Variants in LARS1 observed in about 807,000 individuals in gnomAD.
The protein encoded by LARS1 is leucyl-tRNA synthetase 1, also known as leucine--tRNA ligase, cytoplasmic.
Under a neutral mutation model 162.8 loss-of-function variants are expected in LARS1, and 100 were observed. The ratio of observed to expected loss-of-function variants is 0.61; its 90% CI spans 0.52 to 0.73. LARS1 has a LOEUF of 0.73. Among genes scored for constraint, LARS1 ranks in the 30% least tolerant of loss-of-function variants. The pLI is 0.00. For missense variants in LARS1, 1,258 were observed against 1,408.9 expected (o/e 0.89, Z 1.71); for synonymous variants, 457 against 462.8 (o/e 0.99, Z 0.16).
At chr5:146,171,612 A>G (rs1013164605) in intron 4 of LARS1, among the ~76,000 whole-genome samples, 3 of 152,134 alleles carry the variant, frequency 2.0e-5, no homozygotes, top group Non-Finnish European at 4.4e-5. Flanking sequence ...ATGGCTGTAC[A>G]TTTTTCTTTT....
At chr5:146,153,598 C>A in intron 12 of LARS1, 136 bp downstream of exon 12, 1 of 665,360 alleles carries the variant, frequency 1.5e-6, no homozygotes, top group South Asian at 2.0e-5. Flanking sequence ...AATATATTAA[C>A]ATCAAGAAAC....
intron 15 of LARS1, 114 bp downstream of exon 15, chr5:146,149,508 T>C (rs1753175295): frequency 6.6e-6 from 5 of 760,500 alleles, no homozygotes; most frequent in African/African-American, 3.5e-5. Context: ...CGCAAAACTG[T>C]ATGATATTTT....
chr5:146,171,935 AG>A lies in LARS1; in HGVS notation c.268del (p.Leu90CysfsTer15). 6.2e-7 allele frequency: 1 copy of A among 1,613,906 alleles called. No homozygotes were observed. The highest frequency in any genetic ancestry group is 8.5e-7 in the Non-Finnish European group (1 of 1,179,808). On this transcript the variant is annotated frameshift_variant, in exon 4 of 32. Coordinates refer to ENST00000394434, the MANE Select transcript of LARS1 (RefSeq NM_020117.11). LOFTEE classifies it high-confidence loss of function. Reference protein sequence around the residue: ...KGKCCLFPFGLHCTGMPIKAC... With the variant: ...KGKCCLFPFGXHCTGMPIKAC... ...CTTAATAGGCATTCCAGTACAGTGC[AG>A]GCCAAAGGGAAACAGACAACATTTT... is the stretch of plus-strand genomic sequence containing the variant.
chr5:146,120,277 A>G (rs1751757020), intron 31 of LARS1, 94 bp downstream of exon 31: 2 of 1,346,116 alleles, frequency 1.5e-6, no homozygotes, highest in Non-Finnish European at 2.1e-6. Flanking sequence ...ACAGCTGTCC[A>G]TAAGCAAGCC....
At chr5:146,126,821 G>T (rs920547871) in intron 27 of LARS1, among the ~76,000 whole-genome samples, 2 of 151,932 alleles carry the variant, frequency 1.3e-5, no homozygotes, top group African/African-American at 4.8e-5. Flanking sequence ...AAACTAAATG[G>T]TCTCATAAAA....
At chr5:146,154,604 C>A (rs913083965) in intron 10 of LARS1, among the ~76,000 whole-genome samples, 2 of 151,854 alleles carry the variant, frequency 1.3e-5, no homozygotes, top group Non-Finnish European at 2.9e-5. Context: ...ATGGTGAAAC[C>A]CCGTCTCTAC....
rs370465810 is a variant in LARS1 at position 146,114,870 on chromosome 5, C to T, written c.3326-559G>A. ...ACCATCCTGACCAACATGGTGAAAC[C>T]CCATCTCTACTAAAATACAAAAAAT... On this transcript the variant is annotated intron_variant, in intron 31 of 31. Coordinates refer to ENST00000394434, the MANE Select transcript of LARS1 (RefSeq NM_020117.11). Among the ~76,000 whole-genome samples, 94 of 151,424 alleles carry T rather than the reference C, an allele frequency of 6.2e-4. 2 individuals carry two copies. The South Asian group carries it at 0.019, about 30-fold the overall frequency.
In LARS1 at chr5:146,177,622, T is replaced by A; in HGVS notation, c.50A>T (p.Glu17Val). The change falls in exon 2 of 32, where the codon GAG becomes GTG. Residue 17 changes from glutamate (E) to valine (V), a missense_variant. Physicochemically the swap from Glu to Val is moderately radical, Grantham distance 121 (BLOSUM62 -2). Transcript: ENST00000394434. ...TAKVDFLKKIEKEIQQKWDTE... is the reference protein window; with the variant it reads ...TAKVDFLKKIVKEIQQKWDTE... ...ATCCCATTTCTGTTGGATTTCTTTC[T>A]CAATCTTCTTCAAAAAGTCCACTTT... The A allele has an allele frequency of 6.2e-7, 1 of 1,607,214 alleles. No individual in the cohort carries two copies. The highest frequency in any genetic ancestry group is 1.1e-5 in the South Asian group (1 of 90,900).
chr5:146,153,912 T>C lies in LARS1; in HGVS notation c.1134A>G (p.Leu378=), dbSNP rs200944018. 9 of 1,611,750 alleles carry C rather than the reference T, an allele frequency of 5.6e-6. No individual in the cohort carries two copies. In the African/African-American group the frequency reaches 1.1e-4, roughly 19 times the overall value. The change falls in exon 11 of 32, where the codon CTA becomes CTG. Residue 378 remains leucine, a synonymous_variant. Transcript: ENST00000394434. Reference sequence around the variant, plus strand: ...CTTTACCTTTATCCTCCTTAATAGTTAGCATTGGGAGAACATAGATCACCT... The same window carrying C: ...CTTTACCTTTATCCTCCTTAATAGTCAGCATTGGGAGAACATAGATCACCT... The part of the protein sequence containing the change: ...SYKVIYVLPM[L]TIKEDKGTGV...
rs147794197 is a variant in LARS1, at chr5:146,114,827, C to T, written c.3326-516G>A. ...TTGGGAGGCTGAGGTGGGCAGATCG[C>T]GAGGTCCGGAGATCGAGACCATCCT... On this transcript the variant is annotated intron_variant, in intron 31 of 31. Coordinates refer to ENST00000394434, the MANE Select transcript of LARS1 (RefSeq NM_020117.11). Among the ~76,000 whole-genome samples, 335 of 151,970 alleles carry T rather than the reference C, an allele frequency of 2.2e-3. 4 individuals are homozygous for T. Among genetic ancestry groups the T allele is most frequent in the African/African-American group, 7.8e-3 (323 of 41,466 alleles).
At chr5:146,140,848 CATAT>C (rs78001851) in intron 20 of LARS1, among the ~76,000 whole-genome samples, 91 of 152,072 alleles carry the variant, frequency 6.0e-4, no homozygotes, top group Non-Finnish European at 1.0e-3. Flanking sequence ...AATATACACA[CATAT>C]ATATACACAC....
Position 146,154,423 on chromosome 5 carries a change from T to A in LARS1, c.1066-443A>T, listed in dbSNP as rs556181699. ...TGTTAATTACCTCAATTTAGCCATT[T>A]CACAATGTATATATATTTCAAAACA... On this transcript the variant is annotated intron_variant, in intron 10 of 31. Coordinates refer to ENST00000394434, the MANE Select transcript of LARS1 (RefSeq NM_020117.11). 2.4e-3 allele frequency among the ~76,000 whole-genome samples: 369 copies of A among 152,364 alleles called. 4 individuals are homozygous for A. Among genetic ancestry groups the A allele is most frequent in the African/African-American group, 8.6e-3 (356 of 41,586 alleles).
intron 25 of LARS1, among the ~76,000 whole-genome samples, chr5:146,129,390 G>A (rs1270790286): frequency 1.3e-5 from 2 of 152,082 alleles, no homozygotes; most frequent in South Asian, 4.1e-4. Flanking sequence ...AGAAAATTAT[G>A]TAATGCTAAT....
intron 15 of LARS1, among the ~76,000 whole-genome samples, chr5:146,148,417 T>G (rs1450110061): frequency 1.3e-5 from 2 of 151,950 alleles, no homozygotes; most frequent in Non-Finnish European, 2.9e-5. Context: ...TGGAAAAGAG[T>G]TGAGAAATGG....
intron 31 of LARS1, among the ~76,000 whole-genome samples, chr5:146,116,106 C>G (rs2126345109): frequency 6.6e-6 from 1 of 152,326 alleles, no homozygotes; most frequent in South Asian, 2.1e-4. Context: ...TGGAGAGTTT[C>G]TGCAGGGACC....
chr5:146,135,999 G>GAGCTTTACGGC (rs1355792022), intron 21 of LARS1, among the ~76,000 whole-genome samples: 2 of 152,172 alleles, frequency 1.3e-5, no homozygotes, highest in Non-Finnish European at 2.9e-5. Context: ...ACCTAAGAAA[G>GAGCTTTACGGC]AGCTTTACGG....
At chr5:146,150,984 A>ACACAG (rs1416455041) in intron 14 of LARS1, among the ~76,000 whole-genome samples, 1 of 60,942 alleles carries the variant, frequency 1.6e-5, no homozygotes, top group Admixed American at 1.4e-4. Context: ...CACACACACA[A>ACACAG]ATGTAAATCC....
At chr5:146,139,596 C>A (rs1222754109) in intron 21 of LARS1, 4 of 152,278 alleles carry the variant, frequency 2.6e-5, no homozygotes, top group Non-Finnish European at 4.4e-5. Flanking sequence ...AATTTATAGG[C>A]CAGGCGCGGT....
chr5:146,159,674 A>G (rs1002288618), intron 7 of LARS1, among the ~76,000 whole-genome samples: 3 of 152,128 alleles, frequency 2.0e-5, no homozygotes, highest in Non-Finnish European at 4.4e-5. Flanking sequence ...GTCAAAGGTA[A>G]TACCACTGAA....
Sources: gnomAD v4.1 joint callset for allele counts (sites outside exome capture counted in the v4.1 genomes callset) on GRCh38, gnomAD v4.1.1 for gene constraint, MANE v1.5 for transcripts, NCBI Gene and HGNC (gene_info 2026-07-23, HGNC 2026-07-21) for gene names.